ERN1: variants seen among roughly 807,000 people sequenced by gnomAD.
The protein encoded by ERN1 is serine/threonine-protein kinase/endoribonuclease IRE1.
A neutral mutation model predicts 113.1 loss-of-function variants in ERN1; 39 were observed. The observed-to-expected ratio is 0.34, with a 90% CI of 0.27 to 0.45. The LOEUF is 0.45. ERN1 is among the 20% of genes least tolerant of loss of function. The pLI, the probability that ERN1 is intolerant of heterozygous loss-of-function variation, is 1.00. For missense variants in ERN1, 976 were observed against 1,274.8 expected (o/e 0.77, Z 3.57); for synonymous variants, 507 against 515.9 (o/e 0.98, Z 0.23).
chr17:64,126,544 A>C (rs964878887), intron 1 of ERN1, among the ~76,000 whole-genome samples: 2 of 152,010 alleles, frequency 1.3e-5, no homozygotes, highest in African/African-American at 4.8e-5. Context: ...CTCTCGAATA[A>C]CTCTCAGATA....
chr17:64,085,982 A>C (rs2131845), intron 2 of ERN1, among the ~76,000 whole-genome samples: 1,523 of 152,262 alleles, frequency 0.01, 8 homozygotes, highest in Middle Eastern at 0.044. Context: ...TGTCTTCTAC[A>C]TTTGCCCAGC....
At chr17:64,051,578 C>T (rs1377573858) in intron 17 of ERN1, among the ~76,000 whole-genome samples, 1 of 152,222 alleles carries the variant, frequency 6.6e-6, no homozygotes, top group African/African-American at 2.4e-5. Context: ...ATGTTCAACG[C>T]TGTCATGAGG....
chr17:64,096,483 T>G (rs930218596), intron 2 of ERN1, among the ~76,000 whole-genome samples: 1 of 152,194 alleles, frequency 6.6e-6, no homozygotes, highest in African/African-American at 2.4e-5. Flanking sequence ...CATTCTACAT[T>G]ACAATGTAGT....
chr17:64,095,390 T>C (rs890024654), intron 2 of ERN1, among the ~76,000 whole-genome samples: 2 of 152,000 alleles, frequency 1.3e-5, no homozygotes, highest in Middle Eastern at 3.2e-3. Context: ...GATCGCACCA[T>C]TGCACTCCAG....
intron 1 of ERN1, among the ~76,000 whole-genome samples, chr17:64,126,405 C>T (rs1406919210): frequency 6.6e-6 from 1 of 151,966 alleles, no homozygotes; most frequent in Non-Finnish European, 1.5e-5. Flanking sequence ...AAACGGAGTC[C>T]AAATCTGGGG....
In ERN1 at chr17:64,044,899, A is replaced by G; in HGVS notation, c.2682T>C (p.Gly894=). ...TDLRKFRTYK[G]GSVRDLLRAM... The stretch of plus-strand genomic sequence containing the variant: ...CTCGGAGGAGATCTCTGACAGAACC[A>G]CCTTTATAGGTCCTGAATTTACGCA... Residue 894 remains glycine, a synonymous_variant, in exon 21 of 22, where the codon GGT becomes GGC. Transcript: ENST00000433197. This position sits in a 1 kb window ranked among gnomAD's most constrained non-coding sequence, Gnocchi z 4.1. 2 of 1,593,692 alleles carry G rather than the reference A, an allele frequency of 1.3e-6. No individual in the cohort carries two copies. The highest frequency in any genetic ancestry group is 1.7e-6 in the Non-Finnish European group (2 of 1,169,302).
chr17:64,104,818 C>CA (rs145385036), intron 1 of ERN1, among the ~76,000 whole-genome samples: 7,226 of 149,390 alleles, frequency 0.048, 540 homozygotes, highest in African/African-American at 0.17. Context: ...GACTCCATCT[C>CA]AAAAAAAAAG....
chr17:64,047,882 T>C lies in ERN1; in HGVS notation c.2505A>G (p.Leu835=), dbSNP rs1293465028. The C allele has an allele frequency of 6.2e-7, 1 of 1,612,678 alleles. No homozygotes were observed. Among genetic ancestry groups the C allele is most frequent in the Non-Finnish European group, 8.5e-7 (1 of 1,178,862 alleles). ...CCTGGAAGAACTGGAGCTGCTTCTC[T>C]AGGCTCCAGAAGAACGGGTGTTTGA... The part of the protein sequence containing the change: ...HVLKHPFFWS[L]EKQLQFFQDV... The change falls in exon 19 of 22, where the codon CTA becomes CTG. Residue 835 remains leucine, a synonymous_variant. Transcript: ENST00000433197.
At chr17:64,065,599 G>C (rs1598055048) in intron 8 of ERN1, among the ~76,000 whole-genome samples, 1 of 152,014 alleles carries the variant, frequency 6.6e-6, no homozygotes, top group Non-Finnish European at 1.5e-5. Context: ...CCACAGAGGA[G>C]ACTGAGTGCT....
intron 2 of ERN1, among the ~76,000 whole-genome samples, chr17:64,095,784 G>A (rs543365778): frequency 1.5e-4 from 23 of 152,230 alleles, no homozygotes; most frequent in Middle Eastern, 6.8e-3. Context: ...ACCTGGAAAC[G>A]CTAAGCTCCT....
chr17:64,061,153 C>A (rs1254949795), intron 10 of ERN1, among the ~76,000 whole-genome samples: 6 of 152,360 alleles, frequency 3.9e-5, no homozygotes, highest in Non-Finnish European at 8.8e-5. Context: ...TTGCTGTTCA[C>A]TACACAACTA....
At chr17:64,069,444 G>A (rs16947446) in intron 6 of ERN1, among the ~76,000 whole-genome samples, 29,326 of 151,980 alleles carry the variant, frequency 0.19, 3,073 homozygotes, top group East Asian at 0.35. Flanking sequence ...ATACAAAACT[G>A]GCCATTTGTT....
intron 1 of ERN1, among the ~76,000 whole-genome samples, chr17:64,112,380 AAAG>A (rs1315745749): frequency 2.8e-4 from 42 of 152,080 alleles, no homozygotes; most frequent in Admixed American, 6.6e-4. Context: ...AAAAAAAAAA[AAAG>A]AAGAAGAAGA....
intron 10 of ERN1, among the ~76,000 whole-genome samples, chr17:64,060,866 G>T (rs747641474): frequency 6.6e-6 from 1 of 152,158 alleles, no homozygotes; most frequent in Non-Finnish European, 1.5e-5. Context: ...GGCACCAGAC[G>T]CAAGGCTCGT....
chr17:64,054,579 C>A lies in ERN1; in HGVS notation c.1764-140G>T. 1 of 1,021,390 alleles carries A rather than the reference C, an allele frequency of 9.8e-7. No homozygotes were observed. The highest frequency in any genetic ancestry group is 1.6e-5 in the South Asian group (1 of 61,630). The allele number at this position is 1,021,390 out of a possible 1,614,324, so 63.3% of individuals were successfully genotyped here. ...CCTGACTGCCTGGTGGCCCCGGAAT[C>A]ATCGCTTGTCTCAGTGTGCAAGCTC... On this transcript the variant is annotated intron_variant, in intron 14 of 21. Transcript: ENST00000433197. This position sits in a 1 kb window ranked among gnomAD's most constrained non-coding sequence, Gnocchi z 4.9.
In ERN1 at chr17:64,044,996, T is replaced by C. The variant is rs1912466154; in HGVS notation, c.2654-69A>G. The C allele has an allele frequency of 5.2e-6, 6 of 1,144,346 alleles. No individual in the cohort carries two copies. The South Asian group carries it at 7.9e-5, about 15-fold the overall frequency. 70.9% of individuals were successfully genotyped at this position (1,144,346 alleles called of 1,614,324 possible). Reference sequence around the variant, plus strand: ...CTAATACATTTTAAAAGAAAACAATTCATGGGGTCCTGGGATTAGGGAGTT... The same window carrying C: ...CTAATACATTTTAAAAGAAAACAATCCATGGGGTCCTGGGATTAGGGAGTT... On this transcript the variant is annotated intron_variant, in intron 20 of 21. Coordinates refer to ENST00000433197, the MANE Select transcript of ERN1 (RefSeq NM_001433.5). This position sits in a 1 kb window ranked among gnomAD's most constrained non-coding sequence, Gnocchi z 4.1.
intron 1 of ERN1, among the ~76,000 whole-genome samples, chr17:64,116,068 A>G (rs1054815180): frequency 3.3e-4 from 51 of 152,316 alleles, no homozygotes; most frequent in African/African-American, 1.2e-3. Context: ...CAACATTAGA[A>G]ATTAGTAATA....
intron 4 of ERN1, among the ~76,000 whole-genome samples, chr17:64,075,578 A>G (rs565983136): frequency 6.6e-6 from 1 of 152,234 alleles, no homozygotes; most frequent in South Asian, 2.1e-4. Context: ...GATTACAGGC[A>G]TGTTGCCACT....
chr17:64,079,588 G>A, intron 4 of ERN1, 74 bp downstream of exon 4: 2 of 1,206,352 alleles, frequency 1.7e-6, no homozygotes, highest in Admixed American at 3.6e-5. Flanking sequence ...GACACAGTAA[G>A]ACACTGTGCA....
Sources: gnomAD v4.1 joint callset for allele counts (sites outside exome capture counted in the v4.1 genomes callset) on GRCh38, gnomAD v4.1.1 for gene constraint, Gnocchi (gnomAD v3.1) non-coding constraint, MANE v1.5 for transcripts, NCBI Gene and HGNC (gene_info 2026-07-23, HGNC 2026-07-21) for gene names.